LCLAT1: variants seen among roughly 807,000 people sequenced by gnomAD.
LCLAT1 encodes the protein 1-AGP acyltransferase 8.
In LCLAT1, 11 loss-of-function variants were observed where a neutral mutation model predicts 30.7. The ratio of observed to expected loss-of-function variants is 0.36; its 90% CI spans 0.23 to 0.59. The LOEUF (loss-of-function observed/expected upper bound fraction) is 0.59. LCLAT1 is among the 20% of genes least tolerant of loss of function. LCLAT1 has a pLI of 0.77. For missense variants in LCLAT1, 402 were observed against 458.6 expected (o/e 0.88, Z 1.13); for synonymous variants, 155 against 151.3 (o/e 1.02, Z -0.18).
chr2:30,614,551 T>C (rs748042505), intron 5 of LCLAT1, among the ~76,000 whole-genome samples: 6 of 152,162 alleles, frequency 3.9e-5, no homozygotes, highest in Non-Finnish European at 5.9e-5. Context: ...AGTTTTGCCT[T>C]TTAACTGCAA....
At chr2:30,619,797 T>G (rs1558561139) in intron 5 of LCLAT1, among the ~76,000 whole-genome samples, 3 of 152,106 alleles carry the variant, frequency 2.0e-5, no homozygotes, top group Admixed American at 6.6e-5. Context: ...TTTAAGTTTT[T>G]CCCCCCAATC....
chr2:30,592,379 T>C (rs953637536), intron 5 of LCLAT1, among the ~76,000 whole-genome samples: 1 of 151,416 alleles, frequency 6.6e-6, no homozygotes, highest in Non-Finnish European at 1.5e-5. Context: ...ACACGGGAGG[T>C]TGAGGTGAGA....
intron 5 of LCLAT1, among the ~76,000 whole-genome samples, chr2:30,577,139 TC>T (rs1666025565): frequency 6.7e-6 from 1 of 149,862 alleles, no homozygotes; most frequent in Non-Finnish European, 1.5e-5. Flanking sequence ...ATATATTTTG[TC>T]ACATAGGCTC....
intron 5 of LCLAT1, among the ~76,000 whole-genome samples, 187 bp downstream of exon 5, chr2:30,568,363 AGAG>A (rs1665601384): frequency 6.6e-6 from 1 of 152,094 alleles, no homozygotes; most frequent in South Asian, 2.1e-4. Context: ...GAGATATAGA[AGAG>A]ATCTCTGTAA....
intron 1 of LCLAT1, among the ~76,000 whole-genome samples, chr2:30,481,418 G>A (rs1683314493): frequency 6.6e-6 from 1 of 152,194 alleles, no homozygotes; most frequent in Admixed American, 6.5e-5. Context: ...GAAGACAACT[G>A]ATGGCTGAGT....
intron 1 of LCLAT1, among the ~76,000 whole-genome samples, chr2:30,492,917 C>T (rs1683904193): frequency 6.6e-6 from 1 of 151,980 alleles, no homozygotes; most frequent in African/African-American, 2.4e-5. Flanking sequence ...AAATTTATAC[C>T]CTTATTTTTG....
chr2:30,586,992 C>T (rs1051209274), intron 5 of LCLAT1, among the ~76,000 whole-genome samples: 5 of 152,150 alleles, frequency 3.3e-5, no homozygotes, highest in Non-Finnish European at 5.9e-5. Flanking sequence ...CCCTTATTCC[C>T]TAATAACTTC....
chr2:30,559,095 A>C (rs1665074799), intron 3 of LCLAT1, among the ~76,000 whole-genome samples: 1 of 152,218 alleles, frequency 6.6e-6, no homozygotes, highest in South Asian at 2.1e-4. Context: ...TGAGCATAAG[A>C]AGCAAAATAC....
chr2:30,535,521 C>T (rs1686202033), intron 3 of LCLAT1, among the ~76,000 whole-genome samples: 1 of 152,100 alleles, frequency 6.6e-6, no homozygotes, highest in Non-Finnish European at 1.5e-5. Flanking sequence ...GCAGCCTAGG[C>T]CAGTGAGGCA....
chr2:30,497,996 T>G (rs765201158), intron 1 of LCLAT1, among the ~76,000 whole-genome samples: 5 of 152,216 alleles, frequency 3.3e-5, no homozygotes, highest in Non-Finnish European at 7.3e-5. Flanking sequence ...AAATCCTGAC[T>G]CTGCTGCTTG....
intron 5 of LCLAT1, among the ~76,000 whole-genome samples, chr2:30,605,629 T>C (rs146019212): frequency 2.0e-5 from 3 of 152,162 alleles, no homozygotes; most frequent in African/African-American, 7.2e-5. Flanking sequence ...ATCAGTGACA[T>C]AATTCTCACT....
chr2:30,617,193 C>T lies in LCLAT1; in HGVS notation c.629-22924C>T, dbSNP rs1222328523. Among the ~76,000 whole-genome samples, 2 of 152,136 alleles carry T rather than the reference C, an allele frequency of 1.3e-5. 1 individual carries two copies. The highest frequency in any genetic ancestry group is 2.9e-5 in the Non-Finnish European group (2 of 68,010). On this transcript the variant is annotated intron_variant, in intron 5 of 5. Transcript: ENST00000379509. Reference sequence around the variant, plus strand: ...TTCTATGTACCTCTGCAGTCAGGCCCCTTCCCTGAACGTTGGTCCCTGGAA... The same window carrying T: ...TTCTATGTACCTCTGCAGTCAGGCCTCTTCCCTGAACGTTGGTCCCTGGAA...
intron 3 of LCLAT1, among the ~76,000 whole-genome samples, chr2:30,549,344 A>C (rs1664575364): frequency 6.6e-6 from 1 of 152,240 alleles, no homozygotes; most frequent in African/African-American, 2.4e-5. Context: ...GATGTGAGCT[A>C]GGAAGCGAAT....
intron 5 of LCLAT1, among the ~76,000 whole-genome samples, chr2:30,594,983 T>C (rs1025690310): frequency 6.6e-6 from 1 of 152,250 alleles, no homozygotes; most frequent in Non-Finnish European, 1.5e-5. Flanking sequence ...CCAGAAATAA[T>C]TGCCTGTTGA....
chr2:30,460,335 G>A lies in LCLAT1; in HGVS notation c.-5+12952G>A, dbSNP rs185231246. The stretch of plus-strand genomic sequence containing the variant: ...AAATTCATTCTCAATCCCATATTCA[G>A]TTACCTGCCAGGTTATGTCTGTCTC... On this transcript the variant is annotated intron_variant, in intron 1 of 5. Transcript: ENST00000379509. 1.4e-4 allele frequency among the ~76,000 whole-genome samples: 21 copies of A among 152,214 alleles called. 1 individual carries two copies. The East Asian group carries it at 3.9e-3, about 28-fold the overall frequency.
intron 1 of LCLAT1, among the ~76,000 whole-genome samples, chr2:30,486,096 G>T (rs1162528709): frequency 2.0e-5 from 3 of 152,088 alleles, no homozygotes; most frequent in African/African-American, 4.8e-5. Flanking sequence ...ATACAGGCTT[G>T]TTAGAAAATA....
intron 5 of LCLAT1, among the ~76,000 whole-genome samples, chr2:30,609,461 T>C (rs1372492303): frequency 3.9e-5 from 6 of 152,090 alleles, no homozygotes; most frequent in Admixed American, 3.9e-4. Flanking sequence ...TCTGTTATTC[T>C]CCATTGATTT....
intron 2 of LCLAT1, among the ~76,000 whole-genome samples, chr2:30,531,733 A>T (rs17322939): frequency 6.6e-6 from 1 of 151,956 alleles, no homozygotes; most frequent in Non-Finnish European, 1.5e-5. Flanking sequence ...ACTTTCTAGT[A>T]TATTTCTTTA....
At chr2:30,565,175 T>G (rs1665417937) in intron 4 of LCLAT1, among the ~76,000 whole-genome samples, 1 of 152,178 alleles carries the variant, frequency 6.6e-6, no homozygotes, top group Non-Finnish European at 1.5e-5. Context: ...AGATTTATTT[T>G]AAGGAATTGG....
Sources: allele counts gnomAD v4.1 joint callset (sites outside exome capture counted in the v4.1 genomes callset), GRCh38; gene constraint gnomAD v4.1.1; transcripts MANE v1.5; gene names NCBI Gene and HGNC (gene_info 2026-07-23, HGNC 2026-07-21).